The following PPARGC1A variants were observed in gnomAD, a reference collection of about 807,000 sequenced individuals.
PPARGC1A encodes the protein peroxisome proliferator-activated receptor gamma coactivator 1-alpha.
Under a neutral mutation model 88.7 loss-of-function variants are expected in PPARGC1A, and 25 were observed. The observed-to-expected ratio is 0.28, with a 90% CI of 0.21 to 0.39. The LOEUF (loss-of-function observed/expected upper bound fraction) is 0.39, where lower values mean the gene tolerates loss of function less well. Ranked by LOEUF, PPARGC1A falls within the 10% of genes least tolerant of loss-of-function variation. PPARGC1A has a pLI of 1.00. For missense variants in PPARGC1A, 880 were observed against 968.7 expected (o/e 0.91, Z 1.22); for synonymous variants, 363 against 355.6 (o/e 1.02, Z -0.24).
the PPARGC1A span, among the ~76,000 whole-genome samples, chr4:24,347,497 C>T: frequency 6.6e-6 from 1 of 152,076 alleles, no homozygotes; most frequent in African/African-American, 2.4e-5. Flanking sequence ...GGCCTTTTAC[C>T]ATTATATACT....
chr4:24,246,235 C>A, the PPARGC1A span, among the ~76,000 whole-genome samples: 4 of 152,050 alleles, frequency 2.6e-5, no homozygotes, highest in Admixed American at 6.5e-5. Flanking sequence ...GAAATAAATT[C>A]TTCCTACTAT....
chr4:23,891,314 C>T (rs752769794), upstream of PPARGC1A, among the ~76,000 whole-genome samples: 11 of 152,026 alleles, frequency 7.2e-5, no homozygotes, highest in African/African-American at 1.2e-4. Flanking sequence ...ATGTTAAACC[C>T]AATATACTTT....
the PPARGC1A span, among the ~76,000 whole-genome samples, chr4:24,119,842 T>C: frequency 6.6e-6 from 1 of 152,100 alleles, no homozygotes; most frequent in Non-Finnish European, 1.5e-5. Flanking sequence ...TCCAAAATCA[T>C]TGTCTTATAC....
chr4:24,307,943 T>A, the PPARGC1A span, among the ~76,000 whole-genome samples: 1 of 152,168 alleles, frequency 6.6e-6, no homozygotes, highest in South Asian at 2.1e-4. Context: ...AACTCCTGCC[T>A]TTCCCAACTA....
At chr4:24,087,908 C>T in the PPARGC1A span, among the ~76,000 whole-genome samples, 1 of 152,152 alleles carries the variant, frequency 6.6e-6, no homozygotes, top group East Asian at 1.9e-4. Context: ...AAAATACATT[C>T]TGTAGAAGTG....
At chr4:24,344,616 C>G in the PPARGC1A span, among the ~76,000 whole-genome samples, 1 of 150,192 alleles carries the variant, frequency 6.7e-6, no homozygotes, top group East Asian at 2.0e-4. Context: ...TTTTTTCTTA[C>G]TGATTTGTTT....
At chr4:23,900,398 T>C (rs1437610982), upstream of PPARGC1A, among the ~76,000 whole-genome samples, 1 of 152,228 alleles carries the variant, frequency 6.6e-6, no homozygotes, top group Admixed American at 6.5e-5. Flanking sequence ...CTGTAGGAAC[T>C]CAAGACAGTT....
the PPARGC1A span, among the ~76,000 whole-genome samples, chr4:24,339,648 G>T: frequency 2.0e-5 from 3 of 152,202 alleles, no homozygotes; most frequent in Non-Finnish European, 4.4e-5. Flanking sequence ...TTTCATCACA[G>T]CCAATGGCGC....
Position 23,813,867 on chromosome 4 carries a change from G to A in PPARGC1A, c.1616C>T (p.Ser539Phe), listed in dbSNP as rs1344907560. ...QSYSLFNVSP[S>F]CSSFNSPCRD... The stretch of plus-strand genomic sequence containing the variant: ...ACATGGAGAGTTAAAAGAAGAACAA[G>A]AAGGAGACACATTGAACAATGAATA... Residue 539 changes from serine (S) to phenylalanine (F), a missense_variant, in exon 8 of 13, where the codon TCT becomes TTT. Physicochemically the swap from Ser to Phe is radical, Grantham distance 155. Transcript: ENST00000264867. 1 of 1,613,192 alleles carries A rather than the reference G, an allele frequency of 6.2e-7. No individual in the cohort carries two copies. The highest frequency in any genetic ancestry group is 1.3e-5 in the African/African-American group (1 of 75,026).
chr4:24,223,438 T>C, the PPARGC1A span, among the ~76,000 whole-genome samples: 7 of 152,104 alleles, frequency 4.6e-5, no homozygotes, highest in East Asian at 1.4e-3. Context: ...TTAGTAGAAA[T>C]GGGATTTCAC....
At chr4:24,149,990 C>T in the PPARGC1A span, among the ~76,000 whole-genome samples, 1 of 152,060 alleles carries the variant, frequency 6.6e-6, no homozygotes, top group African/African-American at 2.4e-5. Context: ...ATTTTTAGGA[C>T]AAAAGAGTTT....
chr4:24,463,090 G>A, the PPARGC1A span, among the ~76,000 whole-genome samples: 1 of 151,968 alleles, frequency 6.6e-6, no homozygotes. Flanking sequence ...TTTAGCATCT[G>A]TTCAGCCTGA....
chr4:24,227,276 A>T, the PPARGC1A span, among the ~76,000 whole-genome samples: 1 of 152,010 alleles, frequency 6.6e-6, no homozygotes, highest in Non-Finnish European at 1.5e-5. Flanking sequence ...TAGTAGAAAC[A>T]GGGTTTCACT....
At chr4:24,294,241 G>A in the PPARGC1A span, among the ~76,000 whole-genome samples, 2 of 152,142 alleles carry the variant, frequency 1.3e-5, no homozygotes, top group Non-Finnish European at 2.9e-5. Flanking sequence ...ATGTGATACT[G>A]CCATCACTAC....
chr4:23,838,101 C>A (rs182874413), intron 2 of PPARGC1A, among the ~76,000 whole-genome samples: 3 of 152,298 alleles, frequency 2.0e-5, no homozygotes, highest in African/African-American at 7.2e-5. Context: ...CTAATCAGAA[C>A]AGACACCACT....
At chr4:24,018,822 AC>A in the PPARGC1A span, among the ~76,000 whole-genome samples, 2 of 151,840 alleles carry the variant, frequency 1.3e-5, no homozygotes, top group Non-Finnish European at 2.9e-5. Flanking sequence ...GGGGGACCTC[AC>A]CTCATTTTAA....
chr4:24,360,266 T>C, the PPARGC1A span, among the ~76,000 whole-genome samples: 1 of 152,102 alleles, frequency 6.6e-6, no homozygotes, highest in Non-Finnish European at 1.5e-5. Context: ...AAAACATATA[T>C]CAAATTATTT....
At chr4:23,802,495 T>C (rs1410544021) in intron 10 of PPARGC1A, 150 bp from the exon 11 acceptor site, 6 of 983,466 alleles carry the variant, frequency 6.1e-6, no homozygotes, top group Non-Finnish European at 8.9e-6. Context: ...CTGGGCAAGA[T>C]GGTGAAACCC....
chr4:24,049,308 G>GTGTACATATA, the PPARGC1A span, among the ~76,000 whole-genome samples: 46 of 139,550 alleles, frequency 3.3e-4, no homozygotes, highest in East Asian at 9.0e-3. Flanking sequence ...ATATATGTGT[G>GTGTACATATA]TATATATATA....
Sources: gnomAD v4.1 joint callset for allele counts (sites outside exome capture counted in the v4.1 genomes callset) on GRCh38, gnomAD v4.1.1 for gene constraint, MANE v1.5 for transcripts, NCBI Gene and HGNC (gene_info 2026-07-23, HGNC 2026-07-21) for gene names.